The following TRDN variants were observed in gnomAD, a reference collection of about 807,000 sequenced individuals.
TRDN encodes the protein triadin, also known as triadin in skeletal muscle.
In TRDN, 161 loss-of-function variants were observed where a neutral mutation model predicts 149.7. The observed-to-expected ratio is 1.08, with a 90% CI of 0.95 to 1.23. The LOEUF (loss-of-function observed/expected upper bound fraction) is 1.23. TRDN is among the 50% of genes most tolerant of loss of function. The pLI is 0.00. For synonymous variants in TRDN, 294 were observed against 250.5 expected (o/e 1.17, Z -1.64); for missense variants, 896 against 823.5 (o/e 1.09, Z -1.08).
intron 2 of TRDN, among the ~76,000 whole-genome samples, chr6:123,553,450 T>TCTTCTGCC (rs1250374286): frequency 2.4e-4 from 36 of 152,208 alleles, no homozygotes; most frequent in African/African-American, 8.2e-4. Context: ...GTCCCAGGAA[T>TCTTCTGCC]CTTCTGCCCT....
chr6:123,483,641 T>G (rs1241419330), intron 9 of TRDN, among the ~76,000 whole-genome samples: 1 of 152,186 alleles, frequency 6.6e-6, no homozygotes, highest in Non-Finnish European at 1.5e-5. Context: ...ATCATATGAT[T>G]TAGTGCTTAA....
intron 4 of TRDN, among the ~76,000 whole-genome samples, chr6:123,533,253 A>AG (rs1780338475): frequency 6.6e-6 from 1 of 152,082 alleles, no homozygotes; most frequent in Admixed American, 6.6e-5. Flanking sequence ...TTTTAGAGGT[A>AG]GGGGTGTGTG....
chr6:123,615,951 C>T (rs1785060361), intron 1 of TRDN, among the ~76,000 whole-genome samples: 2 of 152,032 alleles, frequency 1.3e-5, no homozygotes, highest in South Asian at 2.1e-4. Context: ...GATGAACATG[C>T]TAATTACCCT....
At chr6:123,455,820 A>G (rs1438995529) in intron 10 of TRDN, among the ~76,000 whole-genome samples, 2 of 152,218 alleles carry the variant, frequency 1.3e-5, no homozygotes, top group East Asian at 1.9e-4. Context: ...CATTTACAAT[A>G]TCATGTTACT....
intron 21 of TRDN, chr6:123,349,968 G>T: frequency 1.0e-6 from 1 of 985,226 alleles, no homozygotes; most frequent in Non-Finnish European, 1.2e-6. Flanking sequence ...CAAAAGCAAA[G>T]AAAGAAACTC....
At chr6:123,618,238 G>C (rs960714052) in intron 1 of TRDN, among the ~76,000 whole-genome samples, 1 of 152,122 alleles carries the variant, frequency 6.6e-6, no homozygotes, top group Non-Finnish European at 1.5e-5. Flanking sequence ...TGGGTCTCAA[G>C]GAGCTAAAAT....
At chr6:123,555,499 T>A in intron 2 of TRDN, among the ~76,000 whole-genome samples, 1 of 152,152 alleles carries the variant, frequency 6.6e-6, no homozygotes, top group Non-Finnish European at 1.5e-5. Context: ...TGTATAGTAC[T>A]GGAATTACAT....
At chr6:123,557,245 G>A (rs944650343) in intron 2 of TRDN, among the ~76,000 whole-genome samples, 9 of 152,112 alleles carry the variant, frequency 5.9e-5, no homozygotes, top group Middle Eastern at 3.2e-3. Flanking sequence ...TCTTCACACA[G>A]ACATGAGTGA....
chr6:123,231,069 T>G (rs1318595483), intron 38 of TRDN, among the ~76,000 whole-genome samples: 1 of 152,040 alleles, frequency 6.6e-6, no homozygotes, highest in Non-Finnish European at 1.5e-5. Context: ...TTTTAAAAAG[T>G]GTTGAAAGAA....
At chr6:123,260,268 A>T (rs1240196274) in intron 34 of TRDN, among the ~76,000 whole-genome samples, 1 of 152,154 alleles carries the variant, frequency 6.6e-6, no homozygotes, top group Non-Finnish European at 1.5e-5. Flanking sequence ...AATGAATTAA[A>T]GCAATAAAAA....
intron 12 of TRDN, among the ~76,000 whole-genome samples, chr6:123,428,181 T>G (rs1467178333): frequency 6.6e-6 from 1 of 152,132 alleles, no homozygotes; most frequent in Non-Finnish European, 1.5e-5. Flanking sequence ...TGGACAAAGT[T>G]TATGTAATTT....
intron 12 of TRDN, among the ~76,000 whole-genome samples, chr6:123,401,816 G>A (rs979165039): frequency 2.6e-5 from 4 of 151,926 alleles, no homozygotes; most frequent in East Asian, 1.9e-4. Flanking sequence ...GTGTGGGGGT[G>A]CTCACCTGTA....
intron 38 of TRDN, among the ~76,000 whole-genome samples, chr6:123,238,598 T>G (rs1461864774): frequency 6.6e-6 from 1 of 152,056 alleles, no homozygotes; most frequent in Non-Finnish European, 1.5e-5. Context: ...CCTAAGATAT[T>G]AATAATCATG....
At chr6:123,570,664 C>T (rs575402482) in intron 2 of TRDN, among the ~76,000 whole-genome samples, 1 of 152,132 alleles carries the variant, frequency 6.6e-6, no homozygotes, top group South Asian at 2.1e-4. Context: ...TCTTTATGAA[C>T]TGCAACATTC....
intron 20 of TRDN, 113 bp downstream of exon 20, chr6:123,366,022 A>T: frequency 1.1e-6 from 1 of 878,870 alleles, no homozygotes; most frequent in South Asian, 1.8e-5. Context: ...ATATCAACGA[A>T]CTAGTAAAAT....
chr6:123,457,515 T>C (rs1462291101), intron 10 of TRDN: 2 of 420,174 alleles, frequency 4.8e-6, no homozygotes, highest in Non-Finnish European at 9.3e-6. Flanking sequence ...AATATATTTA[T>C]AGCTCATAAT....
At chr6:123,509,987 G>A (rs1226538242) in intron 7 of TRDN, 4 of 151,892 alleles carry the variant, frequency 2.6e-5, no homozygotes, top group African/African-American at 9.7e-5. Flanking sequence ...GTTAAACGAG[G>A]TAATTAATTT....
chr6:123,226,410 AT>A (rs1480585377), intron 38 of TRDN, among the ~76,000 whole-genome samples: 2 of 151,890 alleles, frequency 1.3e-5, no homozygotes, highest in East Asian at 1.9e-4. Flanking sequence ...CATATATTTT[AT>A]TTTTGTAGAT....
At chr6:123,581,054 G>C (rs1235588007) in intron 1 of TRDN, among the ~76,000 whole-genome samples, 1 of 152,162 alleles carries the variant, frequency 6.6e-6, no homozygotes, top group Non-Finnish European at 1.5e-5. Context: ...ACAAGGAAGA[G>C]CTGCCACACT....
Sources: allele counts gnomAD v4.1 joint callset (sites outside exome capture counted in the v4.1 genomes callset), GRCh38; gene constraint gnomAD v4.1.1; transcripts MANE v1.5; gene names NCBI Gene and HGNC (gene_info 2026-07-23, HGNC 2026-07-21).